The following FBXL7 variants were observed in gnomAD, a reference collection of about 807,000 sequenced individuals.
FBXL7 encodes F-box/LRR-repeat protein 7.
A neutral mutation model predicts 38.3 loss-of-function variants in FBXL7; 12 were observed. The observed-to-expected ratio is 0.31, with a 90% confidence interval of 0.20 to 0.51. The LOEUF is 0.51. Among genes scored for constraint, FBXL7 ranks in the 20% least tolerant of loss-of-function variants. The probability of loss-of-function intolerance (pLI) is 0.98; values close to 1 mark genes in which losing one functional copy is unlikely to be tolerated. For synonymous variants in FBXL7, 297 were observed against 300.9 expected (o/e 0.99, Z 0.13); for missense variants, 567 against 676.4 (o/e 0.84, Z 1.79).
chr5:15,887,275 A>G (rs1222173616), intron 2 of FBXL7, among the ~76,000 whole-genome samples: 1 of 152,104 alleles, frequency 6.6e-6, no homozygotes, highest in Admixed American at 6.6e-5. Flanking sequence ...GACAGCACAA[A>G]AGAGCAGGCT....
chr5:15,577,428 C>T (rs1465995087), intron 1 of FBXL7, among the ~76,000 whole-genome samples: 1 of 152,150 alleles, frequency 6.6e-6, no homozygotes, highest in Non-Finnish European at 1.5e-5. Context: ...GTCTATGTGA[C>T]AGAGAGTGAC....
chr5:15,756,003 C>T (rs1736287023), intron 2 of FBXL7, among the ~76,000 whole-genome samples: 1 of 152,178 alleles, frequency 6.6e-6, no homozygotes, highest in East Asian at 1.9e-4. Context: ...GCATTAAAAG[C>T]ATCTGTTTAA....
chr5:15,560,389 T>G (rs1341954726), intron 1 of FBXL7, among the ~76,000 whole-genome samples: 1 of 152,202 alleles, frequency 6.6e-6, no homozygotes, highest in African/African-American at 2.4e-5. Flanking sequence ...AATCAAGTGA[T>G]GCTTGGAAAC....
rs1736468899 is a variant in FBXL7, at chr5:15,500,825, G to A, written c.37+112G>A. On this transcript the variant is annotated intron_variant, in intron 1 of 3. Coordinates refer to ENST00000504595, the MANE Select transcript of FBXL7 (RefSeq NM_012304.5). ...CCCGCGGCCGTGACGCACCCCATTT[G>A]GCACCCTGTCTGGGTCACCACCTTC... 3 of 1,340,776 alleles carry A rather than the reference G, an allele frequency of 2.2e-6. No homozygotes were observed. The Admixed American group carries it at 5.9e-5, about 26-fold the overall frequency. The allele number at this position is 1,340,776 out of a possible 1,614,324, so 83.1% of individuals were successfully genotyped here. A position where few individuals can be genotyped will look rare whatever the true frequency, so the allele number is the denominator to read the frequency against.
At chr5:15,555,983 A>ATCTC (rs1231546784) in intron 1 of FBXL7, among the ~76,000 whole-genome samples, 1 of 105,366 alleles carries the variant, frequency 9.5e-6, no homozygotes, top group Non-Finnish European at 2.1e-5. Flanking sequence ...TCATCTATCT[A>ATCTC]TCTATCTATC....
intron 1 of FBXL7, among the ~76,000 whole-genome samples, chr5:15,546,712 C>T (rs1238303610): frequency 6.6e-6 from 1 of 152,174 alleles, no homozygotes; most frequent in African/African-American, 2.4e-5. Flanking sequence ...GCCTGGGCTA[C>T]AGAGCGAGAC....
intron 2 of FBXL7, among the ~76,000 whole-genome samples, chr5:15,799,411 G>A (rs1409558099): frequency 8.8e-6 from 1 of 114,096 alleles, no homozygotes; most frequent in African/African-American, 3.5e-5. Flanking sequence ...CCCCAGGCTT[G>A]AGTACAGTGG....
At chr5:15,822,362 A>G (rs1738193486) in intron 2 of FBXL7, among the ~76,000 whole-genome samples, 1 of 152,016 alleles carries the variant, frequency 6.6e-6, no homozygotes. Flanking sequence ...ACTCCATCTC[A>G]AAAACAAAAC....
At chr5:15,679,558 G>GTTTTTTTTTTTT (rs34375125) in intron 2 of FBXL7, among the ~76,000 whole-genome samples, 1 of 125,130 alleles carries the variant, frequency 8.0e-6, no homozygotes, top group Non-Finnish European at 1.7e-5. Context: ...ATGCTTCATT[G>GTTTTTTTTTTTT]TTTTTTTTTT....
chr5:15,709,676 T>C (rs190120529), intron 2 of FBXL7, among the ~76,000 whole-genome samples: 1 of 152,342 alleles, frequency 6.6e-6, no homozygotes, highest in Non-Finnish European at 1.5e-5. Flanking sequence ...CATAACCTTC[T>C]GTCTTAGTTT....
At chr5:15,843,663 G>C (rs1738810253) in intron 2 of FBXL7, among the ~76,000 whole-genome samples, 1 of 152,022 alleles carries the variant, frequency 6.6e-6, no homozygotes, top group Non-Finnish European at 1.5e-5. Flanking sequence ...AAATTTCTAA[G>C]AATTTGAGAC....
intron 2 of FBXL7, among the ~76,000 whole-genome samples, chr5:15,767,403 G>A (rs1736619623): frequency 6.6e-6 from 1 of 152,208 alleles, no homozygotes; most frequent in South Asian, 2.1e-4. Context: ...CTAATCTGGA[G>A]ATTGTGCCTG....
At chr5:15,852,460 G>A in intron 2 of FBXL7, among the ~76,000 whole-genome samples, 1 of 152,160 alleles carries the variant, frequency 6.6e-6, no homozygotes, top group Non-Finnish European at 1.5e-5. Context: ...TGAGGAGAAA[G>A]GGAATCATTT....
chr5:15,695,898 C>A (rs1207053543), intron 2 of FBXL7, among the ~76,000 whole-genome samples: 1 of 152,202 alleles, frequency 6.6e-6, no homozygotes, highest in Non-Finnish European at 1.5e-5. Flanking sequence ...CTGTTTCTAG[C>A]TGCAGTTGCT....
intron 1 of FBXL7, among the ~76,000 whole-genome samples, chr5:15,522,942 C>T (rs1385657711): frequency 6.6e-6 from 1 of 152,182 alleles, no homozygotes; most frequent in Non-Finnish European, 1.5e-5. Flanking sequence ...ATGTTTCAGA[C>T]ACTATAATGT....
At chr5:15,911,403 G>A (rs1392986104) in intron 2 of FBXL7, among the ~76,000 whole-genome samples, 13 of 133,144 alleles carry the variant, frequency 9.8e-5, no homozygotes. Flanking sequence ...TCTCTGTATT[G>A]GTTATTCTAG....
At chr5:15,812,002 A>G (rs1214699513) in intron 2 of FBXL7, among the ~76,000 whole-genome samples, 1 of 152,194 alleles carries the variant, frequency 6.6e-6, no homozygotes, top group Non-Finnish European at 1.5e-5. Flanking sequence ...TACCCAAAGG[A>G]TTATAAATCA....
chr5:15,604,106 G>A (rs1355533709), intron 1 of FBXL7, among the ~76,000 whole-genome samples: 1 of 152,144 alleles, frequency 6.6e-6, no homozygotes, highest in African/African-American at 2.4e-5. Context: ...GGTAGAGGTT[G>A]CAGTGAGGCG....
At chr5:15,576,521 GT>G (rs1448257884) in intron 1 of FBXL7, among the ~76,000 whole-genome samples, 1 of 152,156 alleles carries the variant, frequency 6.6e-6, no homozygotes, top group Non-Finnish European at 1.5e-5. Context: ...AGTAGCTAGA[GT>G]TTATTAATGA....
Sources: allele counts gnomAD v4.1 joint callset (sites outside exome capture counted in the v4.1 genomes callset), GRCh38; gene constraint gnomAD v4.1.1; transcripts MANE v1.5; gene names NCBI Gene and HGNC (gene_info 2026-07-23, HGNC 2026-07-21).